Variants in ABCB5 observed in about 807,000 individuals in gnomAD.
ABCB5 encodes the protein ATP binding cassette subfamily B member 5.
Under a neutral mutation model 144.2 loss-of-function variants are expected in ABCB5, and 155 were observed. The observed-to-expected ratio is 1.08, with a 90% CI of 0.94 to 1.23. The LOEUF is 1.23. ABCB5 is among the 50% of genes most tolerant of loss of function. ABCB5 has a pLI of 0.00. For missense variants in ABCB5, 1,830 were observed against 1,520.8 expected, an observed-to-expected ratio of 1.20 and a Z score of -3.38; for synonymous variants, 610 against 528.6, an observed-to-expected ratio of 1.15 and a Z score of -2.11.
At chr7:20,647,414 C>T (rs1440628873) in intron 9 of ABCB5, 121 bp from the exon 10 acceptor site, 23 of 1,388,040 alleles carry the variant, frequency 1.7e-5, no homozygotes, top group East Asian at 2.7e-5. Flanking sequence ...ATCTTCCATT[C>T]TTTCTTACCT....
At chr7:20,753,573 C>G in intron 27 of ABCB5, 67 bp downstream of exon 27, 1 of 1,517,698 alleles carries the variant, frequency 6.6e-7, no homozygotes, top group African/African-American at 1.4e-5. Flanking sequence ...ATGGAGGAAA[C>G]CAAGGTAAGT....
In ABCB5 at chr7:20,704,354, T is replaced by A. The variant is rs145167269; in HGVS notation, c.2338-370T>A. On this transcript the variant is annotated intron_variant, in intron 19 of 27. Transcript: ENST00000404938. ...TTCCAAAGTGTTGGAATTACAGGTGTGAGCCACCGCTCTGGCCTTCATCGC... is the reference window on the plus strand; with the variant it reads ...TTCCAAAGTGTTGGAATTACAGGTGAGAGCCACCGCTCTGGCCTTCATCGC... Among the ~76,000 whole-genome samples, 185 of 152,224 alleles carry A rather than the reference T, an allele frequency of 1.2e-3. 3 individuals are homozygous for A. Among genetic ancestry groups the A allele is most frequent in the African/African-American group, 4.4e-3 (181 of 41,526 alleles).
intron 20 of ABCB5, among the ~76,000 whole-genome samples, chr7:20,716,545 T>C (rs1293432703): frequency 2.0e-5 from 3 of 152,158 alleles, no homozygotes; most frequent in African/African-American, 4.8e-5. Context: ...CACAGTACTT[T>C]AGTGGACATT....
At chr7:20,734,880 A>G (rs1335667391) in intron 23 of ABCB5, among the ~76,000 whole-genome samples, 1 of 152,148 alleles carries the variant, frequency 6.6e-6, no homozygotes, top group African/African-American at 2.4e-5. Flanking sequence ...AACACATTCT[A>G]TTTGTTATTT....
rs139636716 is a variant in ABCB5 at position 20,636,183 on chromosome 7, T to C, written c.314+4070T>C. Among the ~76,000 whole-genome samples the C allele has an allele frequency of 5.3e-5, 8 of 152,298 alleles. No homozygotes were observed. In the East Asian group the frequency reaches 1.5e-3, roughly 29 times the overall value. ...GCTAATTTTACATAAAATTTATTTA[T>C]ATTGGATCTTTTGAAAATTCTTGAT... On this transcript the variant is annotated intron_variant, in intron 5 of 27. Transcript: ENST00000404938.
At chr7:20,697,481 G>T (rs1786460088) in intron 16 of ABCB5, among the ~76,000 whole-genome samples, 1 of 152,108 alleles carries the variant, frequency 6.6e-6, no homozygotes. Flanking sequence ...CTGTTCAGAA[G>T]AATTTTTAAG....
chr7:20,675,947 ATG>A (rs1785587140), intron 14 of ABCB5, among the ~76,000 whole-genome samples: 2 of 152,254 alleles, frequency 1.3e-5, no homozygotes, highest in South Asian at 4.1e-4. Flanking sequence ...TATCAGGGAA[ATG>A]TAAGTCAATA....
chr7:20,752,222 T>G (rs943800603), intron 26 of ABCB5, among the ~76,000 whole-genome samples: 1 of 152,226 alleles, frequency 6.6e-6, no homozygotes, highest in African/African-American at 2.4e-5. Flanking sequence ...AACTGATCCA[T>G]CTACACATTC....
chr7:20,677,900 T>G (rs1043437651), intron 14 of ABCB5, among the ~76,000 whole-genome samples: 3 of 152,196 alleles, frequency 2.0e-5, no homozygotes, highest in African/African-American at 7.2e-5. Flanking sequence ...CTACATAGTT[T>G]GTGGGGTCCA....
intron 20 of ABCB5, among the ~76,000 whole-genome samples, chr7:20,720,841 G>A (rs1781838851): frequency 1.3e-5 from 2 of 150,914 alleles, no homozygotes; most frequent in South Asian, 2.1e-4. Context: ...CTACACGGGA[G>A]GCTGAGGCAG....
chr7:20,755,982 GT>G lies in ABCB5; in HGVS notation c.*362del, dbSNP rs1243616614. The G allele has an allele frequency of 1.9e-5, 5 of 260,178 alleles. No individual in the cohort carries two copies. The highest frequency in any genetic ancestry group is 3.8e-5 in the Non-Finnish European group (5 of 133,094). 16.1% of individuals were successfully genotyped at this position (260,178 alleles called of 1,614,324 possible). On this transcript the variant is annotated 3_prime_UTR_variant, in exon 28 of 28. Coordinates refer to ENST00000404938, the MANE Select transcript of ABCB5 (RefSeq NM_001163941.2). ...TATTATCCAATTAACCATGTTGAAG[GT>G]TTTAGCAAAGGCAGTGTAAGATAGA...
In ABCB5 at chr7:20,666,768, T is replaced by C. The variant is rs377391504; in HGVS notation, c.1707+8092T>C. 123 of 1,598,888 alleles carry C rather than the reference T, an allele frequency of 7.7e-5. No homozygotes were observed. The African/African-American group carries it at 1.4e-3, about 18-fold the overall frequency. ...ATATTGTATTTTCTAGAAAAAATAA[T>C]ACAACAAAGACGTATTGATAATCTA... is the stretch of plus-strand genomic sequence containing the variant. On this transcript the variant is annotated intron_variant, in intron 14 of 27. Coordinates refer to ENST00000404938, the MANE Select transcript of ABCB5 (RefSeq NM_001163941.2).
chr7:20,641,132 A>G (rs994845971), intron 5 of ABCB5, among the ~76,000 whole-genome samples: 2 of 152,106 alleles, frequency 1.3e-5, no homozygotes, highest in South Asian at 4.1e-4. Flanking sequence ...TTTAACAGGC[A>G]TTTCTGACTT....
intron 5 of ABCB5, among the ~76,000 whole-genome samples, chr7:20,638,702 T>C (rs146108536): frequency 2.3e-3 from 350 of 152,322 alleles, no homozygotes; most frequent in South Asian, 0.013. Flanking sequence ...TATTCCTTTT[T>C]ATTGCTTAGT....
At chr7:20,668,430 G>A (rs1315083499) in intron 14 of ABCB5, among the ~76,000 whole-genome samples, 2 of 151,552 alleles carry the variant, frequency 1.3e-5, no homozygotes, top group South Asian at 2.1e-4. Flanking sequence ...TCTGGGAGGT[G>A]AGGAGCGTCT....
chr7:20,722,876 A>G, intron 20 of ABCB5, 140 bp from the exon 21 acceptor site: 1 of 620,346 alleles, frequency 1.6e-6, no homozygotes, highest in Non-Finnish European at 2.7e-6. Flanking sequence ...ATTTAATCTC[A>G]AAGTATAAAT....
At chr7:20,690,992 A>G (rs1425332134) in intron 16 of ABCB5, among the ~76,000 whole-genome samples, 1 of 152,078 alleles carries the variant, frequency 6.6e-6, no homozygotes, top group African/African-American at 2.4e-5. Context: ...GAACTAAGAA[A>G]CTGAACAAAA....
intron 26 of ABCB5, among the ~76,000 whole-genome samples, chr7:20,750,383 T>TACACACACACACAC (rs3033674): frequency 1.7e-4 from 24 of 141,088 alleles, no homozygotes; most frequent in African/African-American, 6.0e-4. Context: ...GGCTTCCCCC[T>TACACACACACACAC]ACACACACAC....
At chr7:20,638,339 G>A in intron 5 of ABCB5, among the ~76,000 whole-genome samples, 1 of 151,976 alleles carries the variant, frequency 6.6e-6, no homozygotes, top group Admixed American at 6.6e-5. Context: ...CAATTGTACT[G>A]TTTATATTAT....
Sources: gnomAD v4.1 joint callset for allele counts (sites outside exome capture counted in the v4.1 genomes callset) on GRCh38, gnomAD v4.1.1 for gene constraint, MANE v1.5 for transcripts, NCBI Gene and HGNC (gene_info 2026-07-23, HGNC 2026-07-21) for gene names.